Variants in MACROD2 observed in about 807,000 individuals in gnomAD.
MACROD2 encodes mono-ADP ribosylhydrolase 2, also known as ADP-ribose glycohydrolase MACROD2.
In MACROD2, 36 loss-of-function variants were observed where a neutral mutation model predicts 70.4. That is an observed-to-expected ratio of 0.51 (90% CI 0.39 to 0.68). The LOEUF (loss-of-function observed/expected upper bound fraction) is 0.68, where lower values mean the gene tolerates loss of function less well. Among genes scored for constraint, MACROD2 ranks in the 30% least tolerant of loss-of-function variants. The pLI, the probability that MACROD2 is intolerant of heterozygous loss-of-function variation, is 0.00. For missense variants in MACROD2, 496 were observed against 538.4 expected (o/e 0.92, Z 0.78); for synonymous variants, 172 against 178.8 (o/e 0.96, Z 0.30).
intron 5 of MACROD2, among the ~76,000 whole-genome samples, chr20:14,983,555 G>A (rs185420302): frequency 3.9e-5 from 6 of 152,234 alleles, no homozygotes; most frequent in Admixed American, 2.6e-4. Context: ...AGTCTTAGGA[G>A]ATCTGATGGC....
chr20:14,534,170 A>G (rs1743539277), intron 4 of MACROD2, among the ~76,000 whole-genome samples: 1 of 152,222 alleles, frequency 6.6e-6, no homozygotes, highest in African/African-American at 2.4e-5. Context: ...AGCCTAAAAC[A>G]CAGGAAGGGC....
intron 4 of MACROD2, among the ~76,000 whole-genome samples, chr20:14,520,459 GATAT>G (rs2123174299): frequency 6.7e-6 from 1 of 149,112 alleles, no homozygotes; most frequent in Admixed American, 6.7e-5. Context: ...ACAAGCTCAA[GATAT>G]TTCACTGTTT....
At chr20:15,688,994 G>A (rs1475028523) in intron 8 of MACROD2, among the ~76,000 whole-genome samples, 1 of 152,196 alleles carries the variant, frequency 6.6e-6, no homozygotes. Flanking sequence ...CTGGATACTA[G>A]GAGGACATTG....
intron 8 of MACROD2, among the ~76,000 whole-genome samples, chr20:15,773,324 A>T (rs925841186): frequency 9.9e-5 from 15 of 152,192 alleles, no homozygotes; most frequent in African/African-American, 3.6e-4. Context: ...GAGAAATATG[A>T]TGATTCAGTG....
chr20:14,157,364 T>C (rs2148714976), intron 3 of MACROD2, among the ~76,000 whole-genome samples: 1 of 152,264 alleles, frequency 6.6e-6, no homozygotes, highest in South Asian at 2.1e-4. Flanking sequence ...GGGGTATCCA[T>C]CATCTTGAGT....
At chr20:15,479,520 G>A (rs1435136740) in intron 7 of MACROD2, among the ~76,000 whole-genome samples, 7 of 151,816 alleles carry the variant, frequency 4.6e-5, no homozygotes, top group South Asian at 2.1e-4. Flanking sequence ...TGATCCGCCC[G>A]CCTCGGCCTC....
intron 5 of MACROD2, among the ~76,000 whole-genome samples, chr20:15,099,276 T>C (rs1343665361): frequency 6.6e-6 from 1 of 152,188 alleles, no homozygotes; most frequent in East Asian, 1.9e-4. Flanking sequence ...GTATTTCAAG[T>C]TGGAGCCTTT....
Position 14,844,038 on chromosome 20 carries a change from C to T in MACROD2, c.418+159079C>T, listed in dbSNP as rs556454924. Among the ~76,000 whole-genome samples the T allele has an allele frequency of 2.0e-5, 3 of 152,194 alleles. No homozygotes were observed. In the South Asian group the frequency reaches 6.2e-4, roughly 32 times the overall value. ...ACTTTGCCTCTTATGCTTCTTCTCTCACATAGATATCTCAGTGCATATCTG... is the reference window on the plus strand; with the variant it reads ...ACTTTGCCTCTTATGCTTCTTCTCTTACATAGATATCTCAGTGCATATCTG... On this transcript the variant is annotated intron_variant, in intron 5 of 17. Transcript: ENST00000684519.
chr20:15,904,629 A>C (rs1177958292), intron 10 of MACROD2, among the ~76,000 whole-genome samples: 1 of 151,800 alleles, frequency 6.6e-6, no homozygotes, highest in African/African-American at 2.4e-5. Flanking sequence ...GCGGTGGCTC[A>C]CGCCTGTAAT....
chr20:15,213,078 C>T (rs1008740198), intron 5 of MACROD2, among the ~76,000 whole-genome samples: 2 of 152,124 alleles, frequency 1.3e-5, no homozygotes, highest in African/African-American at 4.8e-5. Context: ...TGAGAACACA[C>T]AACAACAAGG....
At chr20:15,018,992 A>T (rs1050073192) in intron 5 of MACROD2, among the ~76,000 whole-genome samples, 5 of 152,096 alleles carry the variant, frequency 3.3e-5, no homozygotes, top group African/African-American at 1.2e-4. Flanking sequence ...CTGCAGAATC[A>T]TTGGCCAAAT....
chr20:15,635,424 C>T lies in MACROD2; in HGVS notation c.645+135577C>T, dbSNP rs1486655362. Among the ~76,000 whole-genome samples, 3 of 152,128 alleles carry T rather than the reference C, an allele frequency of 2.0e-5. No individual in the cohort carries two copies. In the South Asian group the frequency reaches 6.2e-4, roughly 32 times the overall value. On this transcript the variant is annotated intron_variant, in intron 8 of 17. Transcript: ENST00000684519. ...TTTCAATTTTTAAAAAGAATGAAATCATGTCCTCTGCAGCAACATGGATGC... is the reference window on the plus strand; with the variant it reads ...TTTCAATTTTTAAAAAGAATGAAATTATGTCCTCTGCAGCAACATGGATGC...
chr20:14,934,280 A>C (rs556462232), intron 5 of MACROD2, among the ~76,000 whole-genome samples: 1 of 152,168 alleles, frequency 6.6e-6, no homozygotes, highest in Non-Finnish European at 1.5e-5. Flanking sequence ...CCATGGGACT[A>C]TCACCCCTAT....
At chr20:14,527,502 G>GC (rs1353321963) in intron 4 of MACROD2, among the ~76,000 whole-genome samples, 1 of 8,382 alleles carries the variant, frequency 1.2e-4, no homozygotes, top group Non-Finnish European at 2.5e-3. Context: ...GATTATATAG[G>GC]CAAAAAAAAC....
intron 4 of MACROD2, among the ~76,000 whole-genome samples, chr20:14,575,345 G>T (rs1439488785): frequency 3.3e-5 from 5 of 152,074 alleles, no homozygotes; most frequent in African/African-American, 1.2e-4. Context: ...AAGACAGTTG[G>T]ATTCTTATAT....
chr20:14,576,318 C>A (rs1980597139), intron 4 of MACROD2, among the ~76,000 whole-genome samples: 1 of 152,144 alleles, frequency 6.6e-6, no homozygotes, highest in Admixed American at 6.5e-5. Context: ...TGATTAAAGA[C>A]AAAGAGAGTG....
chr20:15,841,175 G>T (rs1410133768), intron 8 of MACROD2, among the ~76,000 whole-genome samples: 1 of 152,106 alleles, frequency 6.6e-6, no homozygotes, highest in Non-Finnish European at 1.5e-5. Context: ...GAAACAGAAT[G>T]AGCTAAGCAA....
At chr20:14,750,411 C>T (rs117831144) in intron 5 of MACROD2, among the ~76,000 whole-genome samples, 2,731 of 152,080 alleles carry the variant, frequency 0.018, 36 homozygotes, top group Non-Finnish European at 0.028. Context: ...ATGTTATTTA[C>T]GATCATTAAA....
chr20:14,225,839 A>C (rs766671949), intron 3 of MACROD2, among the ~76,000 whole-genome samples: 1 of 152,218 alleles, frequency 6.6e-6, no homozygotes, highest in Non-Finnish European at 1.5e-5. Context: ...TTTTTTCTAA[A>C]GAACTAGTGT....
Sources: gnomAD v4.1 joint callset for allele counts (sites outside exome capture counted in the v4.1 genomes callset) on GRCh38, gnomAD v4.1.1 for gene constraint, MANE v1.5 for transcripts, NCBI Gene and HGNC (gene_info 2026-07-23, HGNC 2026-07-21) for gene names.